ZNF407: variants seen among roughly 807,000 people sequenced by gnomAD.
ZNF407 encodes zinc finger protein 407.
A neutral mutation model predicts 131.2 loss-of-function variants in ZNF407; 17 were observed. The ratio of observed to expected loss-of-function variants is 0.13; its 90% confidence interval spans 0.09 to 0.19. ZNF407 has a LOEUF of 0.19. Among genes scored for constraint, ZNF407 ranks in the 10% least tolerant of loss-of-function variants. The probability of loss-of-function intolerance (pLI) is 1.00; values close to 1 mark genes in which losing one functional copy is unlikely to be tolerated. For synonymous variants in ZNF407, 1,156 were observed against 1,062.0 expected, an observed-to-expected ratio of 1.09 and a Z score of -1.72; for missense variants, 2,681 against 2,830.6, an observed-to-expected ratio of 0.95 and a Z score of 1.20.
intron 8 of ZNF407, among the ~76,000 whole-genome samples, chr18:75,024,417 T>C (rs1053024958): frequency 6.6e-5 from 10 of 152,224 alleles, no homozygotes; most frequent in Non-Finnish European, 1.3e-4. Context: ...AATTTCTCTC[T>C]CTGTTAAGAC....
At chr18:74,655,597 G>A (rs1380351822) in intron 3 of ZNF407, among the ~76,000 whole-genome samples, 2 of 152,142 alleles carry the variant, frequency 1.3e-5, no homozygotes, top group East Asian at 3.9e-4. Context: ...GTGTATGTGT[G>A]GGTTTTGCAT....
At chr18:74,824,506 A>G (rs1333656492) in intron 4 of ZNF407, among the ~76,000 whole-genome samples, 5 of 152,180 alleles carry the variant, frequency 3.3e-5, no homozygotes, top group Non-Finnish European at 7.4e-5. Flanking sequence ...AATCAGATAG[A>G]TGCAATAAAA....
intron 1 of ZNF407, among the ~76,000 whole-genome samples, chr18:74,618,561 T>C (rs1293313148): frequency 6.6e-6 from 1 of 152,208 alleles, no homozygotes; most frequent in Non-Finnish European, 1.5e-5. Context: ...CATAAATGTA[T>C]TTCCATCTAA....
chr18:75,057,019 G>A (rs903629339), intron 8 of ZNF407, among the ~76,000 whole-genome samples: 1 of 152,134 alleles, frequency 6.6e-6, no homozygotes, highest in Non-Finnish European at 1.5e-5. Flanking sequence ...CTTAAGAATT[G>A]CAATGTCATG....
intron 1 of ZNF407, among the ~76,000 whole-genome samples, chr18:74,624,651 G>C (rs1024200831): frequency 6.6e-6 from 1 of 152,172 alleles, no homozygotes; most frequent in Admixed American, 6.5e-5. Flanking sequence ...TTAATATGGA[G>C]CCTTCTGTGA....
At chr18:74,981,265 C>T (rs940734986) in intron 8 of ZNF407, among the ~76,000 whole-genome samples, 1 of 152,222 alleles carries the variant, frequency 6.6e-6, no homozygotes, top group Non-Finnish European at 1.5e-5. Flanking sequence ...GCACGGGCAG[C>T]GGTTACATGC....
chr18:74,634,933 A>T lies in ZNF407; in HGVS notation c.3914A>T (p.Asn1305Ile), dbSNP rs1286149834. 1 of 1,614,010 alleles carries T rather than the reference A, an allele frequency of 6.2e-7. No individual in the cohort carries two copies. The highest frequency in any genetic ancestry group is 1.7e-5 in the Admixed American group (1 of 60,030). Residue 1305 changes from asparagine to isoleucine, a missense_variant, in exon 2 of 9, where the codon AAT becomes ATT. Coordinates refer to ENST00000299687, the MANE Select transcript of ZNF407 (RefSeq NM_017757.3). ...GTCCAAGAAGATCCCGTTCTGGGGA[A>T]TAAGGAAATTCTGATGAATTCACAA... ...KGVQEDPVLGNKEILMNSQHE... is the reference protein window; with the variant it reads ...KGVQEDPVLGIKEILMNSQHE...
chr18:74,986,149 A>G (rs1972650432), intron 8 of ZNF407, among the ~76,000 whole-genome samples: 1 of 152,136 alleles, frequency 6.6e-6, no homozygotes, highest in African/African-American at 2.4e-5. Flanking sequence ...AGCACACAGC[A>G]GTTTCACCAT....
At chr18:74,760,816 C>T (rs865954323) in intron 3 of ZNF407, among the ~76,000 whole-genome samples, 6 of 152,104 alleles carry the variant, frequency 3.9e-5, no homozygotes, top group Admixed American at 2.6e-4. Flanking sequence ...TGGAGTCTTA[C>T]GAATCTAGGG....
intron 6 of ZNF407, among the ~76,000 whole-genome samples, chr18:74,882,719 G>A (rs936348097): frequency 6.6e-6 from 1 of 152,168 alleles, no homozygotes; most frequent in Non-Finnish European, 1.5e-5. Context: ...ACCTGTGCAT[G>A]CCTGATTTTA....
At chr18:74,936,907 G>GA (rs1332659707) in intron 8 of ZNF407, among the ~76,000 whole-genome samples, 1 of 152,182 alleles carries the variant, frequency 6.6e-6, no homozygotes, top group African/African-American at 2.4e-5. Flanking sequence ...AGAGGTTTTA[G>GA]AAACTTCTTT....
intron 3 of ZNF407, among the ~76,000 whole-genome samples, chr18:74,720,289 T>C (rs1226181270): frequency 6.6e-6 from 1 of 152,170 alleles, no homozygotes; most frequent in African/African-American, 2.4e-5. Flanking sequence ...GTTTTTCTTA[T>C]ATTTGGTGGC....
intron 8 of ZNF407, among the ~76,000 whole-genome samples, chr18:74,967,527 A>G (rs1173262210): frequency 1.3e-5 from 2 of 152,144 alleles, no homozygotes; most frequent in Non-Finnish European, 2.9e-5. Context: ...TTGCCTCTTC[A>G]ATCATTACCA....
intron 3 of ZNF407, among the ~76,000 whole-genome samples, chr18:74,671,411 A>G (rs1360610353): frequency 1.3e-5 from 2 of 151,880 alleles, no homozygotes; most frequent in East Asian, 1.9e-4. Flanking sequence ...TGTGTTATAT[A>G]GTTAAACTCA....
chr18:74,984,851 C>A (rs1972634570), intron 8 of ZNF407, among the ~76,000 whole-genome samples: 1 of 145,014 alleles, frequency 6.9e-6, no homozygotes, highest in Non-Finnish European at 1.5e-5. Flanking sequence ...AACTGGACTT[C>A]TCTAGTCCAC....
chr18:74,652,089 T>C (rs1985252983), intron 3 of ZNF407, among the ~76,000 whole-genome samples: 1 of 152,122 alleles, frequency 6.6e-6, no homozygotes, highest in Non-Finnish European at 1.5e-5. Flanking sequence ...TAGAGCAGCT[T>C]TTCCATTCAA....
intron 8 of ZNF407, among the ~76,000 whole-genome samples, chr18:74,961,499 A>G (rs1972344286): frequency 6.6e-6 from 1 of 152,172 alleles, no homozygotes; most frequent in Non-Finnish European, 1.5e-5. Context: ...CCGGGGGATC[A>G]CTTGAGCCCA....
At chr18:74,906,685 G>A (rs1266985572) in intron 7 of ZNF407, among the ~76,000 whole-genome samples, 2 of 152,058 alleles carry the variant, frequency 1.3e-5, no homozygotes, top group East Asian at 3.8e-4. Flanking sequence ...ATAAATGTAT[G>A]TATTTTCCAT....
intron 8 of ZNF407, among the ~76,000 whole-genome samples, chr18:75,047,264 A>G (rs534156037): frequency 6.6e-6 from 1 of 152,314 alleles, no homozygotes; most frequent in African/African-American, 2.4e-5. Flanking sequence ...AGCAAGTAGC[A>G]TTGTTCTAGC....
Sources: gnomAD v4.1 joint callset for allele counts (sites outside exome capture counted in the v4.1 genomes callset) on GRCh38, gnomAD v4.1.1 for gene constraint, MANE v1.5 for transcripts, NCBI Gene and HGNC (gene_info 2026-07-23, HGNC 2026-07-21) for gene names.